Variants in NFIC observed in about 807,000 individuals in gnomAD.
NFIC encodes the protein nuclear factor I C.
Under a neutral mutation model 54.4 loss-of-function variants are expected in NFIC, and 12 were observed. That is an observed-to-expected ratio of 0.22 (90% CI 0.14 to 0.36). The LOEUF (loss-of-function observed/expected upper bound fraction) is 0.36, where lower values mean the gene tolerates loss of function less well. Ranked by LOEUF, NFIC falls within the 10% of genes least tolerant of loss-of-function variation. The pLI is 1.00. For missense variants in NFIC, 575 were observed against 718.2 expected (o/e 0.80, Z 2.28); for synonymous variants, 322 against 319.2 (o/e 1.01, Z -0.09).
chr19:3,448,337 C>A (rs1245779356), intron 6 of NFIC, among the ~76,000 whole-genome samples: 1 of 152,102 alleles, frequency 6.6e-6, no homozygotes, highest in Non-Finnish European at 1.5e-5. Flanking sequence ...CCTCCCAAAG[C>A]ACTGGGATTA....
At chr19:3,367,265 G>T (rs963514802) in intron 1 of NFIC, among the ~76,000 whole-genome samples, 18 of 152,162 alleles carry the variant, frequency 1.2e-4, no homozygotes, top group Non-Finnish European at 2.6e-4. Context: ...AGGCCCAGGA[G>T]GGGGAAGGGT....
intron 3 of NFIC, 88 bp from the exon 4 acceptor site, chr19:3,433,430 A>G: frequency 7.1e-7 from 1 of 1,410,112 alleles, no homozygotes; most frequent in Non-Finnish European, 9.9e-7. Context: ...GGCTCGGGCC[A>G]GCCCCCAGGA....
At chr19:3,392,764 G>A (rs892183523) in intron 2 of NFIC, among the ~76,000 whole-genome samples, 1 of 152,188 alleles carries the variant, frequency 6.6e-6, no homozygotes, top group African/African-American at 2.4e-5. Context: ...CCTCCAGCTG[G>A]GCGAGGGCAG....
At chr19:3,434,514 C>A in intron 5 of NFIC, 114 bp downstream of exon 5, 1 of 1,422,926 alleles carries the variant, frequency 7.0e-7, no homozygotes, top group Non-Finnish European at 9.3e-7. Context: ...CACGATTCAC[C>A]TGGCCTGAGA....
intron 1 of NFIC, among the ~76,000 whole-genome samples, chr19:3,372,807 C>T (rs989677477): frequency 6.6e-5 from 10 of 150,630 alleles, no homozygotes; most frequent in Non-Finnish European, 5.9e-5. Context: ...GTCTCCTCCT[C>T]GAGGTAGTGG....
intron 6 of NFIC, among the ~76,000 whole-genome samples, chr19:3,437,435 C>CAAG (rs2082221270): frequency 1.3e-5 from 2 of 151,526 alleles, no homozygotes; most frequent in African/African-American, 2.4e-5. Context: ...TTTCAGGTGC[C>CAAG]AAGGCCCCTC....
At position 3,462,799 on chromosome 19, in the gene NFIC, A is replaced by G. The variant is rs1482448333; in HGVS notation, c.*30A>G. On this transcript the variant is annotated 3_prime_UTR_variant, in exon 11 of 11. Transcript: ENST00000443272. ...GGTCTTCTTCCCTCGCCCCTTCTCC[A>G]TCGTCCCAGGAATCCCAGGGGGCAG... 4 of 1,613,390 alleles carry G rather than the reference A, an allele frequency of 2.5e-6. No individual in the cohort carries two copies. The highest frequency in any genetic ancestry group is 1.7e-5 in the Admixed American group (1 of 59,940).
chr19:3,464,210 AC>A lies in NFIC; in HGVS notation c.*1442del, dbSNP rs1403805284. ...GGGGCCCAGCTGCGGGACGTGCATC[AC>A]GGCTGGGCCCCCAGAGGAGAGAGGA... On this transcript the variant is annotated 3_prime_UTR_variant, in exon 11 of 11. Transcript: ENST00000443272. 1.0e-5 allele frequency: 10 copies of A among 985,292 alleles called. No homozygotes were observed. The East Asian group carries it at 6.8e-4, about 67-fold the overall frequency. 61.0% of individuals were successfully genotyped at this position (985,292 alleles called of 1,614,324 possible).
chr19:3,431,029 A>C (rs887719836), intron 3 of NFIC, among the ~76,000 whole-genome samples: 5 of 151,962 alleles, frequency 3.3e-5, no homozygotes, highest in Non-Finnish European at 2.9e-5. Context: ...GATGTCCTCA[A>C]GGTGCATCCA....
At chr19:3,411,932 C>G (rs1300216917) in intron 2 of NFIC, among the ~76,000 whole-genome samples, 1 of 152,220 alleles carries the variant, frequency 6.6e-6, no homozygotes, top group Non-Finnish European at 1.5e-5. Flanking sequence ...GGCTGTTGTA[C>G]ATCATGTCTT....
chr19:3,421,522 A>G (rs6510747), intron 2 of NFIC, among the ~76,000 whole-genome samples: 138,154 of 152,306 alleles, frequency 0.91, 62,741 homozygotes, highest in Non-Finnish European at 0.93. Flanking sequence ...GCTGCTGTCC[A>G]GCCCAGATGG....
At chr19:3,391,806 T>C (rs1291408181) in intron 2 of NFIC, among the ~76,000 whole-genome samples, 1 of 152,002 alleles carries the variant, frequency 6.6e-6, no homozygotes, top group African/African-American at 2.4e-5. Flanking sequence ...CAAAAAAAAA[T>C]GTTATATATG....
chr19:3,364,550 G>A (rs193113091), upstream of NFIC, among the ~76,000 whole-genome samples: 126 of 152,272 alleles, frequency 8.3e-4, no homozygotes, highest in Admixed American at 5.1e-3. Flanking sequence ...TGCAGCTACC[G>A]CCACCAATAA....
At chr19:3,407,511 C>T (rs930881784) in intron 2 of NFIC, among the ~76,000 whole-genome samples, 2 of 149,376 alleles carry the variant, frequency 1.3e-5, no homozygotes, top group South Asian at 2.1e-4. Flanking sequence ...CTTGGTTCAC[C>T]GTGCCCTCTG....
rs1296931926 is a variant in NFIC, at chr19:3,463,175, G to A, written c.*406G>A. On this transcript the variant is annotated 3_prime_UTR_variant, in exon 11 of 11. Coordinates refer to ENST00000443272, the MANE Select transcript of NFIC (RefSeq NM_001245002.2). ...GACGCCGGCCGCCCGCCCGCGCCCC[G>A]GAGGCCCTGGCTCTGTCCGGAGACC... is the stretch of plus-strand genomic sequence containing the variant. 1.9e-6 allele frequency: 2 copies of A among 1,072,576 alleles called. No homozygotes were observed. The highest frequency in any genetic ancestry group is 2.3e-6 in the Non-Finnish European group (2 of 885,792). 66.4% of individuals were successfully genotyped at this position (1,072,576 alleles called of 1,614,324 possible).
intron 2 of NFIC, among the ~76,000 whole-genome samples, chr19:3,412,421 A>T (rs1265044524): frequency 6.6e-6 from 1 of 151,960 alleles, no homozygotes; most frequent in Non-Finnish European, 1.5e-5. Context: ...ATTTATTTTT[A>T]TTTTTATTTT....
rs1362785657 is a variant in NFIC at position 3,452,501 on chromosome 19, C to T, written c.1104C>T (p.His368=). Residue 368 remains histidine (H), a synonymous_variant, in exon 8 of 11, where the codon CAC becomes CAT. Coordinates refer to ENST00000443272, the MANE Select transcript of NFIC (RefSeq NM_001245002.2). The surrounding 1 kb of genome is among the most constrained non-coding windows in gnomAD (Gnocchi z 5.3). ...AVHSGIARSP[H]PSSALHFPTT... ...CCGCAGGGATCGCCCGGAGCCCACA[C>T]CCGTCCTCCGCTCTGCATTTCCCTA... 1.9e-6 allele frequency: 3 copies of T among 1,612,528 alleles called. No individual in the cohort carries two copies. The East Asian group carries it at 6.7e-5, about 36-fold the overall frequency.
chr19:3,414,379 G>T (rs909920113), intron 2 of NFIC, among the ~76,000 whole-genome samples: 1 of 151,980 alleles, frequency 6.6e-6, no homozygotes, highest in South Asian at 2.1e-4. Context: ...GACGGATCAC[G>T]AGGTCAAGAG....
At position 3,452,633 on chromosome 19, in the gene NFIC, G is replaced by A. The variant is rs2082484984; in HGVS notation, c.1236G>A (p.Leu412=). The part of the protein sequence containing the change: ...PQDPLKDLVS[L]ACDPASQQPG... ...ACCCGCTCAAAGATCTTGTCTCGCT[G>A]GCCTGCGACCCAGCCAGCCAGCAAC... Residue 412 remains leucine (L), a synonymous_variant, in exon 8 of 11, where the codon CTG becomes CTA. Coordinates refer to ENST00000443272, the MANE Select transcript of NFIC (RefSeq NM_001245002.2). This position sits in a 1 kb window ranked among gnomAD's most constrained non-coding sequence, Gnocchi z 5.3. The A allele has an allele frequency of 6.2e-7, 1 of 1,612,116 alleles. No homozygotes were observed. The highest frequency in any genetic ancestry group is 8.5e-7 in the Non-Finnish European group (1 of 1,179,270).
Sources: gnomAD v4.1 joint callset for allele counts (sites outside exome capture counted in the v4.1 genomes callset) on GRCh38, gnomAD v4.1.1 for gene constraint, Gnocchi (gnomAD v3.1) non-coding constraint, MANE v1.5 for transcripts, NCBI Gene and HGNC (gene_info 2026-07-23, HGNC 2026-07-21) for gene names.